Variants in SLC2A13 observed in about 807,000 individuals in gnomAD.
The protein encoded by SLC2A13 is proton myo-inositol cotransporter.
Under a neutral mutation model 64.4 loss-of-function variants are expected in SLC2A13, and 32 were observed. The ratio of observed to expected loss-of-function variants is 0.50; its 90% CI spans 0.37 to 0.67. The LOEUF is 0.67. SLC2A13 is among the 30% of genes least tolerant of loss of function. The probability of loss-of-function intolerance (pLI) is 0.00; values close to 1 mark genes in which losing one functional copy is unlikely to be tolerated. For missense variants in SLC2A13, 743 were observed against 829.2 expected (o/e 0.90, Z 1.28); for synonymous variants, 338 against 327.1 (o/e 1.03, Z -0.36).
chr12:39,808,962 T>C (rs1458112308), intron 7 of SLC2A13, among the ~76,000 whole-genome samples: 2 of 152,152 alleles, frequency 1.3e-5, no homozygotes, highest in Non-Finnish European at 2.9e-5. Context: ...TGTGTGCTTT[T>C]TGTGTCCTAT....
At chr12:39,870,483 A>C (rs1381583477) in intron 5 of SLC2A13, among the ~76,000 whole-genome samples, 1 of 152,174 alleles carries the variant, frequency 6.6e-6, no homozygotes, top group Non-Finnish European at 1.5e-5. Flanking sequence ...ATTAAGTAAA[A>C]ATCTGTGTCC....
At chr12:39,948,162 T>C (rs567283603) in intron 4 of SLC2A13, among the ~76,000 whole-genome samples, 3 of 152,274 alleles carry the variant, frequency 2.0e-5, no homozygotes, top group African/African-American at 7.2e-5. Context: ...CAGTTGCATG[T>C]TGAAATTATT....
chr12:40,081,676 C>T lies in SLC2A13; in HGVS notation c.556+23577G>A, dbSNP rs1167343591. 3.3e-5 allele frequency among the ~76,000 whole-genome samples: 5 copies of T among 152,252 alleles called. No homozygotes were observed. The East Asian group carries it at 7.7e-4, about 24-fold the overall frequency. On this transcript the variant is annotated intron_variant, in intron 1 of 9. Transcript: ENST00000280871. ...TGCCATGCAAATTCTGTATTCTATGCCATAATTTCAGTGATTTCAATCAAG... is the reference window on the plus strand; with the variant it reads ...TGCCATGCAAATTCTGTATTCTATGTCATAATTTCAGTGATTTCAATCAAG...
At chr12:39,983,212 A>G (rs1446845954) in intron 3 of SLC2A13, among the ~76,000 whole-genome samples, 1 of 148,998 alleles carries the variant, frequency 6.7e-6, no homozygotes, top group Non-Finnish European at 1.5e-5. Flanking sequence ...TTAGACCTAA[A>G]ACCATAAAAA....
At chr12:39,990,597 C>T (rs746100914) in intron 3 of SLC2A13, among the ~76,000 whole-genome samples, 1 of 152,126 alleles carries the variant, frequency 6.6e-6, no homozygotes, top group Non-Finnish European at 1.5e-5. Flanking sequence ...TAGTGCTGAA[C>T]AGTGCTGAAG....
At chr12:39,821,610 C>T (rs1372545399) in intron 7 of SLC2A13, among the ~76,000 whole-genome samples, 1 of 152,138 alleles carries the variant, frequency 6.6e-6, no homozygotes, top group Non-Finnish European at 1.5e-5. Context: ...TTTTCTTCAC[C>T]CTGTGACCAA....
At chr12:39,929,910 C>G (rs1362997090) in intron 4 of SLC2A13, among the ~76,000 whole-genome samples, 1 of 152,006 alleles carries the variant, frequency 6.6e-6, no homozygotes, top group African/African-American at 2.4e-5. Context: ...GAGGACGGAT[C>G]ACCTGAGGTC....
At chr12:40,095,431 T>G (rs1938906747) in intron 1 of SLC2A13, among the ~76,000 whole-genome samples, 1 of 152,224 alleles carries the variant, frequency 6.6e-6, no homozygotes, top group Admixed American at 6.5e-5. Flanking sequence ...TGTAATTTTT[T>G]AGGTAGTTGC....
chr12:40,001,535 GA>G (rs1213489682), intron 3 of SLC2A13, among the ~76,000 whole-genome samples: 1 of 152,152 alleles, frequency 6.6e-6, no homozygotes, highest in African/African-American at 2.4e-5. Context: ...GACAAGGCAG[GA>G]AAAGATAAAG....
intron 6 of SLC2A13, among the ~76,000 whole-genome samples, chr12:39,855,560 G>A (rs139376288): frequency 4.3e-4 from 65 of 152,280 alleles, no homozygotes; most frequent in Non-Finnish European, 6.5e-4. Context: ...TGAGCTCCAT[G>A]AGGAGGAAGG....
chr12:39,957,877 C>T (rs1946344154), intron 3 of SLC2A13, among the ~76,000 whole-genome samples: 1 of 152,130 alleles, frequency 6.6e-6, no homozygotes, highest in Non-Finnish European at 1.5e-5. Context: ...GGAGGCCCAG[C>T]CCCTGAGGAG....
chr12:39,806,916 C>G (rs1341445799), intron 7 of SLC2A13, among the ~76,000 whole-genome samples: 1 of 152,080 alleles, frequency 6.6e-6, no homozygotes, highest in Non-Finnish European at 1.5e-5. Context: ...TCAACTGACA[C>G]ATACAACATG....
intron 7 of SLC2A13, among the ~76,000 whole-genome samples, chr12:39,825,538 G>T (rs1942645753): frequency 6.6e-6 from 1 of 152,060 alleles, no homozygotes; most frequent in South Asian, 2.1e-4. Flanking sequence ...CTTCACAGAG[G>T]TTCGGAATTG....
At chr12:40,048,429 G>A in intron 1 of SLC2A13, among the ~76,000 whole-genome samples, 1 of 152,058 alleles carries the variant, frequency 6.6e-6, no homozygotes, top group East Asian at 1.9e-4. Context: ...ATTATCACTT[G>A]AAAGCCTACA....
Position 40,065,146 on chromosome 12 carries a change from C to G in SLC2A13, c.557-16936G>C, listed in dbSNP as rs1375113209. ...TCAGAAAGCAAAATGAAGGTAACTC[C>G]AGTCCACAGGAGGCTACCTGAACAG... On this transcript the variant is annotated intron_variant, in intron 1 of 9. Transcript: ENST00000280871. Among the ~76,000 whole-genome samples the G allele has an allele frequency of 4.6e-5, 7 of 152,070 alleles. No individual in the cohort carries two copies. In the East Asian group the frequency reaches 1.3e-3, roughly 29 times the overall value.
intron 4 of SLC2A13, among the ~76,000 whole-genome samples, chr12:39,903,711 A>G (rs942734839): frequency 6.6e-6 from 1 of 152,136 alleles, no homozygotes; most frequent in Non-Finnish European, 1.5e-5. Context: ...CAGGCCCCAG[A>G]AATGGAGACA....
chr12:40,091,543 T>C (rs1452688618), intron 1 of SLC2A13, among the ~76,000 whole-genome samples: 1 of 152,202 alleles, frequency 6.6e-6, no homozygotes, highest in Non-Finnish European at 1.5e-5. Flanking sequence ...TGGCATGTCA[T>C]ATATTTGATG....
At chr12:39,997,219 A>G (rs1209684523) in intron 3 of SLC2A13, among the ~76,000 whole-genome samples, 2 of 152,230 alleles carry the variant, frequency 1.3e-5, no homozygotes, top group African/African-American at 2.4e-5. Flanking sequence ...TAGAGAACCC[A>G]GAAATAAACC....
At chr12:40,083,026 G>A (rs758923726) in intron 1 of SLC2A13, among the ~76,000 whole-genome samples, 2 of 152,024 alleles carry the variant, frequency 1.3e-5, no homozygotes, top group Non-Finnish European at 2.9e-5. Context: ...TTCTCAGTGG[G>A]AGAAGTTCTT....
Sources: gnomAD v4.1 joint callset for allele counts (sites outside exome capture counted in the v4.1 genomes callset) on GRCh38, gnomAD v4.1.1 for gene constraint, MANE v1.5 for transcripts, NCBI Gene and HGNC (gene_info 2026-07-23, HGNC 2026-07-21) for gene names.